The following MRPS11 variants were observed in gnomAD, a reference collection of about 807,000 sequenced individuals.
MRPS11 encodes the protein small ribosomal subunit protein uS11m.
A neutral mutation model predicts 24.3 loss-of-function variants in MRPS11; 27 were observed. The observed-to-expected ratio is 1.11, with a 90% CI of 0.82 to 1.53. The LOEUF is 1.53. Ranked by LOEUF, MRPS11 falls within the 40% of genes most tolerant of loss-of-function variation. The probability of loss-of-function intolerance (pLI) is 0.00; values close to 1 mark genes in which losing one functional copy is unlikely to be tolerated. For missense variants in MRPS11, 277 were observed against 256.5 expected, an observed-to-expected ratio of 1.08 and a Z score of -0.55; for synonymous variants, 104 against 98.7, an observed-to-expected ratio of 1.05 and a Z score of -0.32.
Position 88,467,713 on chromosome 15 carries a change from A to T in MRPS11, c.-5A>T. The stretch of plus-strand genomic sequence containing the variant: ...GACGGAAACTGACTGGGGTCAATTC[A>T]AGTCATGCAGGCTGTGAGAAACGCG... On this transcript the variant is annotated 5_prime_UTR_variant, in exon 1 of 6. Transcript: ENST00000325844. 5 of 1,614,032 alleles carry T rather than the reference A, an allele frequency of 3.1e-6. No individual in the cohort carries two copies. The highest frequency in any genetic ancestry group is 4.2e-6 in the Non-Finnish European group (5 of 1,179,992).
intron 2 of MRPS11, 103 bp downstream of exon 2, chr15:88,468,127 T>C (rs2055592617): frequency 6.7e-7 from 1 of 1,493,892 alleles, no homozygotes. Context: ...TGTCACTTGC[T>C]ATCCGTGGGA....
At position 88,472,649 on chromosome 15, in the gene MRPS11, G is replaced by A; in HGVS notation, c.205G>A (p.Glu69Lys). Residue 69 changes from glutamate (E) to lysine (K), a missense_variant, in exon 3 of 6, where the codon GAG becomes AAG. Transcript: ENST00000325844. ...KFSIYPPIPG[E>K]ESSLRWAGKK... ...CAGCATTTACCCTCCCATTCCAGGA[G>A]AGGAGAGCTCTCTGAGGTGGGCAGG... The A allele has an allele frequency of 6.2e-7, 1 of 1,613,934 alleles. No individual in the cohort carries two copies. Among genetic ancestry groups the A allele is most frequent in the South Asian group, 1.1e-5 (1 of 91,074 alleles).
chr15:88,467,932 C>T lies in MRPS11; in HGVS notation c.90C>T (p.Ala30=). 4.3e-6 allele frequency: 7 copies of T among 1,613,634 alleles called. No homozygotes were observed. The highest frequency in any genetic ancestry group is 1.1e-5 in the South Asian group (1 of 91,044). ...TAGRVVARTP[A]GTICTGARQL... is the part of the protein sequence containing the mutation. ...GCAGGGTCGTGGCCAGAACGCCGGCCGGGACCATCTGCACAGGCGCTCGAC... is the reference window on the plus strand; with the variant it reads ...GCAGGGTCGTGGCCAGAACGCCGGCTGGGACCATCTGCACAGGCGCTCGAC... Residue 30 remains alanine (A), a synonymous_variant, in exon 2 of 6, where the codon GCC becomes GCT. Coordinates refer to ENST00000325844, the MANE Select transcript of MRPS11 (RefSeq NM_022839.5).
At chr15:88,470,771 G>C (rs921114411) in intron 2 of MRPS11, among the ~76,000 whole-genome samples, 7 of 152,168 alleles carry the variant, frequency 4.6e-5, no homozygotes, top group African/African-American at 1.7e-4. Flanking sequence ...GCAGAGGATA[G>C]GAAGAAACAG....
chr15:88,473,336 G>C (rs2055755415), intron 3 of MRPS11, among the ~76,000 whole-genome samples: 1 of 152,170 alleles, frequency 6.6e-6, no homozygotes, highest in African/African-American at 2.4e-5. Flanking sequence ...GCTGGTATTA[G>C]TGACAACTTT....
Position 88,479,466 on chromosome 15 carries a change from C to T in MRPS11, c.*1487C>T, listed in dbSNP as rs2055889495. ...CTCAGTATAGGAAAAGACACAGATG[C>T]CCCCTTAAATAGGCAAGAGGCTGTG... On this transcript the variant is annotated 3_prime_UTR_variant, in exon 6 of 6. Coordinates refer to ENST00000325844, the MANE Select transcript of MRPS11 (RefSeq NM_022839.5). 6.6e-6 allele frequency: 1 copy of T among 152,128 alleles called. No individual in the cohort carries two copies. Among genetic ancestry groups the T allele is most frequent in the East Asian group, 1.9e-4 (1 of 5,192 alleles). The allele number at this position is 152,128 out of a possible 1,614,324, so 9.4% of individuals were successfully genotyped here.
rs972042208 is a variant in MRPS11, at chr15:88,477,552, C to A, written c.478-320C>A. Among the ~76,000 whole-genome samples, 1 of 152,156 alleles carries A rather than the reference C, an allele frequency of 6.6e-6. No individual in the cohort carries two copies. Among genetic ancestry groups the A allele is most frequent in the Admixed American group, 6.5e-5 (1 of 15,286 alleles). On this transcript the variant is annotated intron_variant, in intron 5 of 5. Coordinates refer to ENST00000325844, the MANE Select transcript of MRPS11 (RefSeq NM_022839.5). This position sits in a 1 kb window ranked among gnomAD's most constrained non-coding sequence, Gnocchi z 5.7. Reference sequence around the variant, plus strand: ...GGACATTGCAGGCAGAGAAAACTGCCTGAGTAAGCTACAGAAGTATGATAC... The same window carrying A: ...GGACATTGCAGGCAGAGAAAACTGCATGAGTAAGCTACAGAAGTATGATAC...
chr15:88,475,821 G>C lies in MRPS11; in HGVS notation c.411+582G>C, dbSNP rs186708238. On this transcript the variant is annotated intron_variant, in intron 4 of 5. Coordinates refer to ENST00000325844, the MANE Select transcript of MRPS11 (RefSeq NM_022839.5). The surrounding 1 kb of genome is among the most constrained non-coding windows in gnomAD (Gnocchi z 4.1). ...AAAATAGAAAAATTAGCTGGGCGTGGTGGTGCGCGCCTGTAGTCCCAGGTA... is the reference window on the plus strand; with the variant it reads ...AAAATAGAAAAATTAGCTGGGCGTGCTGGTGCGCGCCTGTAGTCCCAGGTA... 2.6e-5 allele frequency among the ~76,000 whole-genome samples: 4 copies of C among 152,140 alleles called. No homozygotes were observed. Among genetic ancestry groups the C allele is most frequent in the Non-Finnish European group, 5.9e-5 (4 of 68,028 alleles).
chr15:88,476,436 C>T (rs926125773), intron 4 of MRPS11, among the ~76,000 whole-genome samples: 3 of 152,164 alleles, frequency 2.0e-5, no homozygotes, highest in Non-Finnish European at 4.4e-5. Context: ...GTACTATCAT[C>T]AGAAATCAAA....
chr15:88,468,303 TTTC>T, intron 2 of MRPS11: 2 of 1,218,582 alleles, frequency 1.6e-6, no homozygotes, highest in Non-Finnish European at 2.1e-6. Flanking sequence ...TCAGCGTTCT[TTTC>T]TTCTGAGATG....
In MRPS11 at chr15:88,480,589, A is replaced by G. The variant is rs1432757252; in HGVS notation, c.*2610A>G. 6.6e-6 allele frequency: 1 copy of G among 152,198 alleles called. No homozygotes were observed. The highest frequency in any genetic ancestry group is 1.5e-5 in the Non-Finnish European group (1 of 68,054). The allele number at this position is 152,198 out of a possible 1,614,324, so 9.4% of individuals were successfully genotyped here. ...CAGAGCCTACATGCGCAGACAGGAC[A>G]GAGGACCCTTAAGGATCAATGGTCT... On this transcript the variant is annotated 3_prime_UTR_variant, in exon 6 of 6. Coordinates refer to ENST00000325844, the MANE Select transcript of MRPS11 (RefSeq NM_022839.5). The surrounding 1 kb of genome is among the most constrained non-coding windows in gnomAD (Gnocchi z 5.1).
At chr15:88,474,524 A>C (rs1264317574) in intron 3 of MRPS11, among the ~76,000 whole-genome samples, 2 of 148,728 alleles carry the variant, frequency 1.3e-5, no homozygotes, top group African/African-American at 2.6e-5. Context: ...GTGCCATTGC[A>C]CTCCAGCCTG....
Position 88,475,958 on chromosome 15 carries a change from G to A in MRPS11, c.411+719G>A, listed in dbSNP as rs942476857. ...GTGACAGAGCGAGACTCCATCTCAA[G>A]AAAAAAAATAAAAATAAAGACCAGT... On this transcript the variant is annotated intron_variant, in intron 4 of 5. Coordinates refer to ENST00000325844, the MANE Select transcript of MRPS11 (RefSeq NM_022839.5). This position sits in a 1 kb window ranked among gnomAD's most constrained non-coding sequence, Gnocchi z 4.1. Among the ~76,000 whole-genome samples the A allele has an allele frequency of 1.3e-5, 2 of 151,700 alleles. No homozygotes were observed. The highest frequency in any genetic ancestry group is 2.9e-5 in the Non-Finnish European group (2 of 67,898).
At chr15:88,476,177 C>T (rs1197026804) in intron 4 of MRPS11, among the ~76,000 whole-genome samples, 2 of 152,160 alleles carry the variant, frequency 1.3e-5, no homozygotes, top group Non-Finnish European at 2.9e-5. Flanking sequence ...TATCTTGAAT[C>T]TTCAGAGACC....
At chr15:88,476,666 A>C (rs571084466) in intron 4 of MRPS11, 1 of 268,714 alleles carries the variant, frequency 3.7e-6, no homozygotes, top group South Asian at 1.1e-4. Flanking sequence ...TCAGCCTTGA[A>C]GCCTAGGGTG....
rs1434198643 is a variant in MRPS11 at position 88,475,129 on chromosome 15, T to C, written c.301T>C (p.Ser101Pro). The change falls in exon 4 of 6, where the codon TCT becomes CCT. Residue 101 changes from serine to proline, a missense_variant. Transcript: ENST00000325844. This position sits in a 1 kb window ranked among gnomAD's most constrained non-coding sequence, Gnocchi z 4.1. ...TCTCAGCACACAGATCCAGGTAGTCTCTGCTAGTAATGAGCCCCTTGCCTT... is the reference window on the plus strand; with the variant it reads ...TCTCAGCACACAGATCCAGGTAGTCCCTGCTAGTAATGAGCCCCTTGCCTT... Reference protein sequence around the residue: ...SHNNTQIQVVSASNEPLAFAS... With the variant: ...SHNNTQIQVVPASNEPLAFAS... 6.2e-7 allele frequency: 1 copy of C among 1,614,236 alleles called. No individual in the cohort carries two copies. Among genetic ancestry groups the C allele is most frequent in the Admixed American group, 1.7e-5 (1 of 60,030 alleles).
At position 88,469,322 on chromosome 15, in the gene MRPS11, T is replaced by C. The variant is rs571680990; in HGVS notation, c.182+1298T>C. 1.3e-5 allele frequency among the ~76,000 whole-genome samples: 2 copies of C among 152,320 alleles called. No homozygotes were observed. Among genetic ancestry groups the C allele is most frequent in the South Asian group, 4.1e-4 (2 of 4,830 alleles). On this transcript the variant is annotated intron_variant, in intron 2 of 5. Coordinates refer to ENST00000325844, the MANE Select transcript of MRPS11 (RefSeq NM_022839.5). This position sits in a 1 kb window ranked among gnomAD's most constrained non-coding sequence, Gnocchi z 4.4. ...GCAGTGAGGAGCTGCTGAAAGCATC[T>C]AAACCAAGATTCTGTTGTAGTCATT...
In MRPS11 at chr15:88,477,273, C is replaced by T. The variant is rs546508887; in HGVS notation, c.477+219C>T. ...GACACTGAGTGCCTGCTGCGTGCCA[C>T]GCACTGGGAATGGGAAGGTGGTTCC... On this transcript the variant is annotated intron_variant, in intron 5 of 5. Transcript: ENST00000325844. The surrounding 1 kb of genome is among the most constrained non-coding windows in gnomAD (Gnocchi z 5.7). Among the ~76,000 whole-genome samples, 2 of 152,166 alleles carry T rather than the reference C, an allele frequency of 1.3e-5. No individual in the cohort carries two copies. Among genetic ancestry groups the T allele is most frequent in the South Asian group, 2.1e-4 (1 of 4,826 alleles).
rs765914985 is a variant in MRPS11 at position 88,477,779 on chromosome 15, A to C, written c.478-93A>C. Reference sequence around the variant, plus strand: ...ATCTCACCCCTCCGTTCCCTTCTCTACGCCACCCTGTCCCTCTCCGAACCC... The same window carrying C: ...ATCTCACCCCTCCGTTCCCTTCTCTCCGCCACCCTGTCCCTCTCCGAACCC... On this transcript the variant is annotated intron_variant, in intron 5 of 5. Transcript: ENST00000325844. The surrounding 1 kb of genome is among the most constrained non-coding windows in gnomAD (Gnocchi z 5.7). The C allele has an allele frequency of 3.7e-6, 4 of 1,074,108 alleles. No individual in the cohort carries two copies. Among genetic ancestry groups the C allele is most frequent in the Non-Finnish European group, 5.6e-6 (4 of 710,478 alleles). 66.5% of individuals were successfully genotyped at this position (1,074,108 alleles called of 1,614,324 possible).
Sources: gnomAD v4.1 joint callset for allele counts (sites outside exome capture counted in the v4.1 genomes callset) on GRCh38, gnomAD v4.1.1 for gene constraint, Gnocchi (gnomAD v3.1) non-coding constraint, MANE v1.5 for transcripts, NCBI Gene and HGNC (gene_info 2026-07-23, HGNC 2026-07-21) for gene names.